SEL1L3: variants seen among roughly 807,000 people sequenced by gnomAD.
The protein encoded by SEL1L3 is SEL1L family member 3.
SEL1L3 carries 76 observed loss-of-function variants against 142.8 expected under a neutral mutation model. The observed-to-expected ratio is 0.53, with a 90% CI of 0.44 to 0.64. The LOEUF (loss-of-function observed/expected upper bound fraction) is 0.64. SEL1L3 is among the 30% of genes least tolerant of loss of function. The pLI is 0.00. For missense variants in SEL1L3, 1,262 were observed against 1,381.7 expected (o/e 0.91, Z 1.37); for synonymous variants, 504 against 519.6 (o/e 0.97, Z 0.41).
At chr4:25,776,137 C>A in intron 17 of SEL1L3, 140 bp downstream of exon 17, 2 of 591,672 alleles carry the variant, frequency 3.4e-6, no homozygotes, top group Non-Finnish European at 3.1e-6. Flanking sequence ...CCAATCAGTC[C>A]ATGATACTCT....
In SEL1L3 at chr4:25,762,575, G is replaced by GA. The variant is rs1718441363; in HGVS notation, c.2955+2750dup. ...CATCCACCAATAAGGTAAAGCTTAA[G>GA]AAATTATAATGTATCAGCTCAACAG... On this transcript the variant is annotated intron_variant, in intron 20 of 23. Transcript: ENST00000399878. 2.0e-5 allele frequency among the ~76,000 whole-genome samples: 3 copies of GA among 152,320 alleles called. No homozygotes were observed. In the East Asian group the frequency reaches 5.8e-4, roughly 29 times the overall value.
intron 1 of SEL1L3, among the ~76,000 whole-genome samples, chr4:25,858,742 C>A (rs984649742): frequency 6.6e-6 from 1 of 152,070 alleles, no homozygotes; most frequent in Non-Finnish European, 1.5e-5. Context: ...CACGCCACCA[C>A]ACCCAGCTAA....
chr4:25,830,613 A>AT lies in SEL1L3; in HGVS notation c.1099-458dup, dbSNP rs1324236192. Among the ~76,000 whole-genome samples, 3 of 152,136 alleles carry AT rather than the reference A, an allele frequency of 2.0e-5. No individual in the cohort carries two copies. In the East Asian group the frequency reaches 5.8e-4, roughly 29 times the overall value. The stretch of plus-strand genomic sequence containing the variant: ...CTTTCCCTAAGCACTGGGAATCATC[A>AT]TTCTCATTTTAACAGGGACACTATT... On this transcript the variant is annotated intron_variant, in intron 5 of 23. Transcript: ENST00000399878.
chr4:25,856,087 C>T (rs1717232925), intron 1 of SEL1L3, among the ~76,000 whole-genome samples: 1 of 152,182 alleles, frequency 6.6e-6, no homozygotes, highest in Non-Finnish European at 1.5e-5. Context: ...TATTTGGTCC[C>T]TCTAGACCTT....
chr4:25,797,423 G>T (rs1712856734), intron 11 of SEL1L3, among the ~76,000 whole-genome samples: 1 of 152,158 alleles, frequency 6.6e-6, no homozygotes, highest in African/African-American at 2.4e-5. Context: ...TATAATGTTA[G>T]GCTCCCAGTA....
At chr4:25,718,398 T>C in the SEL1L3 span, 7 of 152,114 alleles carry the variant, frequency 4.6e-5, no homozygotes, top group Admixed American at 2.0e-4. Flanking sequence ...GTGGGAGCAG[T>C]GTTTGAAGCC....
intron 11 of SEL1L3, among the ~76,000 whole-genome samples, chr4:25,791,376 C>T (rs1712324744): frequency 6.6e-6 from 1 of 152,236 alleles, no homozygotes; most frequent in South Asian, 2.1e-4. Context: ...AATTTGCACA[C>T]AGCCTCCCAG....
At chr4:25,714,449 A>T in the SEL1L3 span, among the ~76,000 whole-genome samples, 2 of 152,092 alleles carry the variant, frequency 1.3e-5, no homozygotes, top group South Asian at 4.1e-4. Flanking sequence ...ACAGCTACTT[A>T]TGTATATGGA....
At chr4:25,762,806 C>T (rs942798957) in intron 20 of SEL1L3, among the ~76,000 whole-genome samples, 2 of 152,044 alleles carry the variant, frequency 1.3e-5, no homozygotes, top group African/African-American at 2.4e-5. Context: ...GGTGAAACCC[C>T]GTTTCTACTA....
the SEL1L3 span, among the ~76,000 whole-genome samples, chr4:25,737,491 G>T: frequency 3.9e-5 from 6 of 152,188 alleles, no homozygotes; most frequent in African/African-American, 1.4e-4. Context: ...TTTTATAGGG[G>T]CATTAATCCT....
chr4:25,732,957 T>C, the SEL1L3 span, among the ~76,000 whole-genome samples: 4 of 152,068 alleles, frequency 2.6e-5, no homozygotes, highest in African/African-American at 9.7e-5. Flanking sequence ...TGTTGGCCGG[T>C]ATGGTCTCAA....
chr4:25,759,906 A>G (rs1718260980), intron 20 of SEL1L3: 1 of 152,176 alleles, frequency 6.6e-6, no homozygotes, highest in Non-Finnish European at 1.5e-5. Flanking sequence ...ACTCAGGATC[A>G]TGTTTTTTGT....
intron 1 of SEL1L3, among the ~76,000 whole-genome samples, chr4:25,851,775 G>C (rs1716917711): frequency 6.6e-6 from 1 of 151,726 alleles, no homozygotes; most frequent in South Asian, 2.1e-4. Flanking sequence ...TGTAGTCCCA[G>C]CTACTGGGGA....
the SEL1L3 span, among the ~76,000 whole-genome samples, chr4:25,726,640 G>A: frequency 6.6e-6 from 1 of 151,958 alleles, no homozygotes; most frequent in East Asian, 1.9e-4. Flanking sequence ...AGAGTTACAC[G>A]ATGCCGGGAA....
upstream of SEL1L3, chr4:25,863,421 C>A: frequency 1.4e-6 from 1 of 698,936 alleles, no homozygotes. Flanking sequence ...CGCATTCTTC[C>A]TCTCCCACCC....
Position 25,833,445 on chromosome 4 carries a change from C to T in SEL1L3, c.982+3G>A, listed in dbSNP as rs376495986. The stretch of plus-strand genomic sequence containing the variant: ...CATTTTAAAGGTTCTGTTTTATACT[C>T]ACCCTCTTCCGTAAGAAATACAGAA... On this transcript the variant is annotated splice_donor_region_variant and intron_variant, in intron 4 of 23. Transcript: ENST00000399878. The T allele has an allele frequency of 1.2e-6, 2 of 1,609,990 alleles. No individual in the cohort carries two copies. The highest frequency in any genetic ancestry group is 1.7e-6 in the Non-Finnish European group (2 of 1,178,108).
the SEL1L3 span, among the ~76,000 whole-genome samples, chr4:25,722,624 C>CTTTTTTTTTTTTTTTT: frequency 1.2e-3 from 122 of 103,652 alleles, 15 homozygotes; most frequent in African/African-American, 4.4e-3. Flanking sequence ...CCAAAGGAGG[C>CTTTTTTTTTTTTTTTT]TTTTTTTTTT....
At chr4:25,715,299 G>C in the SEL1L3 span, among the ~76,000 whole-genome samples, 5,349 of 152,120 alleles carry the variant, frequency 0.035, 291 homozygotes, top group African/African-American at 0.12. Flanking sequence ...GGAGACCAGC[G>C]TGGGCAACAG....
intron 20 of SEL1L3, 172 bp from the exon 21 acceptor site, chr4:25,759,240 G>A (rs1718214913): frequency 1.6e-6 from 1 of 637,270 alleles, no homozygotes; most frequent in Non-Finnish European, 2.6e-6. Context: ...ATGCATCTGA[G>A]AAATTTATTT....
Sources: gnomAD v4.1 joint callset for allele counts (sites outside exome capture counted in the v4.1 genomes callset) on GRCh38, gnomAD v4.1.1 for gene constraint, MANE v1.5 for transcripts, NCBI Gene and HGNC (gene_info 2026-07-23, HGNC 2026-07-21) for gene names.